The following SLC7A2 variants were observed in gnomAD, a reference collection of about 807,000 sequenced individuals.
The protein encoded by SLC7A2 is solute carrier family 7 member 2, also known as cationic amino acid transporter 2.
A neutral mutation model predicts 58.9 loss-of-function variants in SLC7A2; 48 were observed. The ratio of observed to expected loss-of-function variants is 0.82; its 90% CI spans 0.65 to 1.04. SLC7A2 has a LOEUF of 1.04. SLC7A2 is among the 50% of genes least tolerant of loss of function. SLC7A2 has a pLI of 0.00. For missense variants in SLC7A2, 1,029 were observed against 818.8 expected (o/e 1.26, Z -3.13); for synonymous variants, 363 against 314.5 (o/e 1.15, Z -1.63).
intron 8 of SLC7A2, among the ~76,000 whole-genome samples, chr8:17,555,473 T>A (rs565460343): frequency 6.6e-6 from 1 of 152,348 alleles, no homozygotes; most frequent in African/African-American, 2.4e-5. Context: ...ATATTAATTT[T>A]AAAATAATGA....
intron 2 of SLC7A2, among the ~76,000 whole-genome samples, chr8:17,513,167 A>G (rs1464308240): frequency 1.3e-5 from 2 of 152,168 alleles, no homozygotes; most frequent in Non-Finnish European, 1.5e-5. Flanking sequence ...TTTTGGTCAT[A>G]TAACCAGTAG....
At chr8:17,511,203 A>G (rs1313094318) in intron 2 of SLC7A2, 1 of 152,184 alleles carries the variant, frequency 6.6e-6, no homozygotes, top group Non-Finnish European at 1.5e-5. Flanking sequence ...ACCATGGCAC[A>G]CGTATACCTA....
intron 5 of SLC7A2, among the ~76,000 whole-genome samples, chr8:17,549,888 G>C (rs868684662): frequency 6.6e-5 from 10 of 152,198 alleles, no homozygotes; most frequent in Admixed American, 6.5e-4. Flanking sequence ...GAATGTTAGA[G>C]ACATATACTC....
intron 2 of SLC7A2, among the ~76,000 whole-genome samples, chr8:17,517,320 A>G (rs1800841967): frequency 6.6e-6 from 1 of 152,232 alleles, no homozygotes; most frequent in South Asian, 2.1e-4. Context: ...TTGTAGGGCC[A>G]GAAGACTTTG....
intron 2 of SLC7A2, among the ~76,000 whole-genome samples, chr8:17,536,909 G>A (rs937673796): frequency 2.6e-5 from 4 of 152,110 alleles, no homozygotes; most frequent in African/African-American, 7.2e-5. Context: ...AAACCATGTC[G>A]GGGAATCTTG....
rs1802593530 is a variant in SLC7A2, at chr8:17,554,485, A to G, written c.1056-75A>G. On this transcript the variant is annotated intron_variant, in intron 7 of 12. Transcript: ENST00000494857. ...CAACTGTCATGCTGAATATTATACAATTATTTTATTTCCGTTCGGGGATGT... is the reference window on the plus strand; with the variant it reads ...CAACTGTCATGCTGAATATTATACAGTTATTTTATTTCCGTTCGGGGATGT... The G allele has an allele frequency of 2.5e-6, 3 of 1,215,116 alleles. No homozygotes were observed. The Admixed American group carries it at 7.9e-5, about 32-fold the overall frequency. 75.3% of individuals were successfully genotyped at this position (1,215,116 alleles called of 1,614,324 possible). A position where few individuals can be genotyped will look rare whatever the true frequency, so the allele number is the denominator to read the frequency against.
intron 2 of SLC7A2, among the ~76,000 whole-genome samples, chr8:17,526,017 C>A (rs1479840890): frequency 6.6e-6 from 1 of 152,016 alleles, no homozygotes; most frequent in Non-Finnish European, 1.5e-5. Context: ...AATCTCTATA[C>A]CCTAGATTTT....
At chr8:17,535,464 G>T (rs906112552) in intron 2 of SLC7A2, among the ~76,000 whole-genome samples, 3 of 152,148 alleles carry the variant, frequency 2.0e-5, no homozygotes, top group Non-Finnish European at 4.4e-5. Flanking sequence ...GTCTCATATT[G>T]CAATGGCCAT....
At chr8:17,510,376 ATAAC>A (rs1263318609) in intron 2 of SLC7A2, among the ~76,000 whole-genome samples, 2 of 152,188 alleles carry the variant, frequency 1.3e-5, no homozygotes, top group Admixed American at 1.3e-4. Context: ...GAGAATATCT[ATAAC>A]TAGGAAAAAA....
Position 17,568,091 on chromosome 8 carries a change from TAA to T in SLC7A2, c.*2947_*2948del, listed in dbSNP as rs1803348049. 6.6e-6 allele frequency: 1 copy of T among 152,274 alleles called. No homozygotes were observed. The highest frequency in any genetic ancestry group is 2.4e-5 in the African/African-American group (1 of 41,550). 9.4% of individuals were successfully genotyped at this position (152,274 alleles called of 1,614,324 possible). ...TGACTAGTAATCAATCAAAATTATATAAAGTCTTCTCCAGTAATTAAGAAATA... is the reference window on the plus strand; with the variant it reads ...TGACTAGTAATCAATCAAAATTATATAGTCTTCTCCAGTAATTAAGAAATA... On this transcript the variant is annotated 3_prime_UTR_variant, in exon 13 of 13. Transcript: ENST00000494857.
intron 2 of SLC7A2, chr8:17,538,760 AC>A: frequency 6.2e-7 from 1 of 1,600,220 alleles, no homozygotes; most frequent in Non-Finnish European, 8.5e-7. Context: ...CGATTTAATT[AC>A]TTTTTTTTCC....
chr8:17,534,015 T>G (rs550824159), intron 2 of SLC7A2, among the ~76,000 whole-genome samples: 1 of 152,286 alleles, frequency 6.6e-6, no homozygotes, highest in South Asian at 2.1e-4. Flanking sequence ...AGATGTGGTC[T>G]TTGGTTTTCT....
chr8:17,495,618 C>G (rs1057204110), upstream of SLC7A2, among the ~76,000 whole-genome samples: 24 of 152,258 alleles, frequency 1.6e-4, no homozygotes, highest in Middle Eastern at 3.4e-3. Flanking sequence ...GGCACTATCT[C>G]GGCTCACTGC....
intron 2 of SLC7A2, among the ~76,000 whole-genome samples, chr8:17,527,668 T>A (rs1263068710): frequency 6.6e-6 from 1 of 152,176 alleles, no homozygotes; most frequent in East Asian, 1.9e-4. Context: ...GGCTCACAGC[T>A]GCGTCACTGT....
chr8:17,531,579 T>A (rs1365172924), intron 2 of SLC7A2, among the ~76,000 whole-genome samples: 4 of 152,156 alleles, frequency 2.6e-5, no homozygotes, highest in Non-Finnish European at 4.4e-5. Context: ...GATCAATGAT[T>A]CCAAAATAGT....
intron 2 of SLC7A2, among the ~76,000 whole-genome samples, chr8:17,526,746 G>C (rs1209410261): frequency 6.6e-6 from 1 of 152,160 alleles, no homozygotes; most frequent in Admixed American, 6.5e-5. Context: ...GTGGTATCTA[G>C]TTGGAAGAGA....
Position 17,543,318 on chromosome 8 carries a change from G to C in SLC7A2, c.-22G>C. ...TTCTAACCTCCTCCCTTCTGCTCAG[G>C]TCGCCTTCGTCAGACGTCAGAATGA... On this transcript the variant is annotated splice_region_variant and 5_prime_UTR_variant, in exon 3 of 13. Transcript: ENST00000494857. 6.3e-7 allele frequency: 1 copy of C among 1,597,904 alleles called. No homozygotes were observed. The highest frequency in any genetic ancestry group is 8.5e-7 in the Non-Finnish European group (1 of 1,172,408).
intron 4 of SLC7A2, 39 bp downstream of exon 4, chr8:17,544,645 C>A (rs769326122): frequency 2.5e-6 from 4 of 1,577,520 alleles, no homozygotes; most frequent in Non-Finnish European, 3.5e-6. Flanking sequence ...GAATGAGCCA[C>A]ACTATTTGTC....
chr8:17,559,725 A>G (rs902204667), intron 9 of SLC7A2, among the ~76,000 whole-genome samples: 7 of 152,224 alleles, frequency 4.6e-5, no homozygotes, highest in African/African-American at 1.4e-4. Flanking sequence ...CTACAATTCA[A>G]GGTGAGATTT....
Sources: gnomAD v4.1 joint callset for allele counts (sites outside exome capture counted in the v4.1 genomes callset) on GRCh38, gnomAD v4.1.1 for gene constraint, MANE v1.5 for transcripts, NCBI Gene and HGNC (gene_info 2026-07-23, HGNC 2026-07-21) for gene names.